Variants in BACH2 observed in about 807,000 individuals in gnomAD.
BACH2 encodes transcription regulator protein BACH2.
In BACH2, 5 loss-of-function variants were observed where a neutral mutation model predicts 61.8. The observed-to-expected ratio is 0.08, with a 90% confidence interval of 0.04 to 0.17. The LOEUF is 0.17. Among genes scored for constraint, BACH2 ranks in the 10% least tolerant of loss-of-function variants. The pLI is 1.00. For missense variants in BACH2, 824 were observed against 1,091.1 expected (o/e 0.76, Z 3.45); for synonymous variants, 446 against 440.1 (o/e 1.01, Z -0.17).
intron 5 of BACH2, chr6:90,062,772 T>TC (rs1554237325): frequency 0.015 from 3,715 of 241,702 alleles, 162 homozygotes; most frequent in African/African-American, 0.081. Flanking sequence ...TTTTTTTTTT[T>TC]CCCTAAAGTG....
At chr6:89,989,617 G>A (rs1489056779) in intron 6 of BACH2, among the ~76,000 whole-genome samples, 1 of 152,132 alleles carries the variant, frequency 6.6e-6, no homozygotes, top group Non-Finnish European at 1.5e-5. Flanking sequence ...CCTGGCAGGT[G>A]GGCTCAAGGC....
chr6:89,952,200 C>T, intron 6 of BACH2: 1 of 300,986 alleles, frequency 3.3e-6, no homozygotes, highest in Non-Finnish European at 6.3e-6. Context: ...AATTTCCCTC[C>T]CAATCAGTCC....
chr6:90,258,358 A>G (rs1481531476), intron 2 of BACH2, among the ~76,000 whole-genome samples: 1 of 152,162 alleles, frequency 6.6e-6, no homozygotes, highest in African/African-American at 2.4e-5. Context: ...CCCTTGTCAA[A>G]AATTAGTTGA....
intron 1 of BACH2, among the ~76,000 whole-genome samples, chr6:90,293,777 G>A (rs1335908434): frequency 1.3e-5 from 2 of 152,192 alleles, no homozygotes; most frequent in African/African-American, 4.8e-5. Flanking sequence ...TTTTCCTGAT[G>A]AACTATAATG....
At chr6:90,287,743 G>A (rs145552294) in intron 1 of BACH2, among the ~76,000 whole-genome samples, 79 of 152,222 alleles carry the variant, frequency 5.2e-4, no homozygotes, top group African/African-American at 1.8e-3. Flanking sequence ...ACCAGTGTGC[G>A]AAATTCTATT....
At chr6:90,124,771 T>A (rs1010058866) in intron 4 of BACH2, among the ~76,000 whole-genome samples, 1 of 152,240 alleles carries the variant, frequency 6.6e-6, no homozygotes, top group Non-Finnish European at 1.5e-5. Flanking sequence ...TTTGTCATTA[T>A]TATTTTTGGG....
At chr6:90,244,285 C>T (rs1770558414) in intron 3 of BACH2, among the ~76,000 whole-genome samples, 1 of 152,226 alleles carries the variant, frequency 6.6e-6, no homozygotes, top group Admixed American at 6.5e-5. Context: ...TAATAGCTAA[C>T]ATTTACTAAA....
intron 5 of BACH2, among the ~76,000 whole-genome samples, chr6:90,020,265 G>C (rs1169144811): frequency 6.6e-6 from 1 of 152,132 alleles, no homozygotes; most frequent in African/African-American, 2.4e-5. Context: ...GCTATGGGTT[G>C]AATGTTTGTC....
intron 6 of BACH2, among the ~76,000 whole-genome samples, chr6:90,000,733 T>C (rs1054232713): frequency 1.3e-5 from 2 of 152,246 alleles, no homozygotes; most frequent in East Asian, 1.9e-4. Flanking sequence ...GATCCGCCTA[T>C]GTTCTAGGTG....
At chr6:90,157,229 A>C (rs1225854218) in intron 4 of BACH2, among the ~76,000 whole-genome samples, 1 of 152,278 alleles carries the variant, frequency 6.6e-6, no homozygotes, top group Non-Finnish European at 1.5e-5. Flanking sequence ...TTTTCGAAAC[A>C]TATGAGTTAT....
chr6:90,087,630 A>G (rs4707597), intron 5 of BACH2, among the ~76,000 whole-genome samples: 61,687 of 152,008 alleles, frequency 0.41, 14,648 homozygotes, highest in East Asian at 0.82. Context: ...ATGATGATTC[A>G]CAAAGTTTTT....
intron 5 of BACH2, among the ~76,000 whole-genome samples, chr6:90,055,901 C>A (rs1399034072): frequency 6.6e-6 from 1 of 152,128 alleles, no homozygotes; most frequent in Non-Finnish European, 1.5e-5. Flanking sequence ...AAATAAAATA[C>A]TTTACAGACA....
At chr6:90,080,904 T>G in intron 5 of BACH2, 3 of 374,216 alleles carry the variant, frequency 8.0e-6, no homozygotes, top group Non-Finnish European at 1.1e-5. Flanking sequence ...TTTTGGGTGA[T>G]AGTCCACTAT....
intron 3 of BACH2, among the ~76,000 whole-genome samples, chr6:90,213,833 G>C (rs1239361298): frequency 2.0e-5 from 3 of 152,194 alleles, no homozygotes; most frequent in East Asian, 3.9e-4. Context: ...TGTAAGTCTG[G>C]CACCAGTTGA....
chr6:90,110,613 C>G (rs566926435), intron 4 of BACH2, among the ~76,000 whole-genome samples: 8 of 152,184 alleles, frequency 5.3e-5, no homozygotes, highest in Non-Finnish European at 1.2e-4. Context: ...ATTTTTGTCT[C>G]AAGCTCAAAT....
chr6:90,166,018 A>G (rs1767599443), intron 4 of BACH2, among the ~76,000 whole-genome samples: 1 of 152,150 alleles, frequency 6.6e-6, no homozygotes, highest in Non-Finnish European at 1.5e-5. Flanking sequence ...TCATGTCTAA[A>G]ACACCAAAAG....
chr6:90,007,708 A>G (rs560532833), intron 6 of BACH2, among the ~76,000 whole-genome samples: 1 of 152,068 alleles, frequency 6.6e-6, no homozygotes, highest in African/African-American at 2.4e-5. Flanking sequence ...ACACCACACA[A>G]CTCTAGGGAA....
At chr6:90,196,966 T>C (rs1017250217) in intron 4 of BACH2, among the ~76,000 whole-genome samples, 2 of 152,250 alleles carry the variant, frequency 1.3e-5, no homozygotes, top group African/African-American at 2.4e-5. Context: ...ACTAGAAATA[T>C]GTGTCTTCTG....
intron 4 of BACH2, among the ~76,000 whole-genome samples, chr6:90,139,243 C>T (rs909447317): frequency 3.3e-5 from 5 of 152,148 alleles, no homozygotes; most frequent in African/African-American, 9.7e-5. Context: ...TCTTTCTCTA[C>T]GTCTTCTAGT....
Sources: gnomAD v4.1 joint callset for allele counts (sites outside exome capture counted in the v4.1 genomes callset) on GRCh38, gnomAD v4.1.1 for gene constraint, MANE v1.5 for transcripts, NCBI Gene and HGNC (gene_info 2026-07-23, HGNC 2026-07-21) for gene names.